NHSL3: variants seen among roughly 807,000 people sequenced by gnomAD.
NHSL3 encodes the protein NHS-like protein 3.
At chr1:32,770,081 G>A in the NHSL3 span, 18 of 1,559,150 alleles carry the variant, frequency 1.2e-5, no homozygotes, top group African/African-American at 2.7e-5. This position sits in a 1 kb window ranked among gnomAD's most constrained non-coding sequence, Gnocchi z 8.3. Context: ...CGTGTCTACC[G>A]GGATGACACC....
the NHSL3 span, among the ~76,000 whole-genome samples, chr1:32,761,291 C>T: frequency 7.2e-5 from 11 of 152,164 alleles, no homozygotes; most frequent in African/African-American, 2.7e-4. Context: ...GAGCCCCTCC[C>T]CAAGCGAGCC....
the NHSL3 span, among the ~76,000 whole-genome samples, chr1:32,760,826 C>T: frequency 2.1e-4 from 32 of 152,102 alleles, no homozygotes; most frequent in African/African-American, 6.5e-4. Context: ...CCTGACCTCG[C>T]GATCCACCCG....
the NHSL3 span, among the ~76,000 whole-genome samples, chr1:32,751,046 G>A: frequency 1.3e-5 from 2 of 148,454 alleles, no homozygotes; most frequent in Non-Finnish European, 3.0e-5. Flanking sequence ...CCCGACCTCA[G>A]GTGATCTGCC....
the NHSL3 span, chr1:32,773,583 G>A: frequency 1.3e-5 from 2 of 153,154 alleles, no homozygotes; most frequent in Non-Finnish European, 2.9e-5. Context: ...CTGCCTTCCA[G>A]TTCTGCCAGG....
chr1:32,767,948 C>A, the NHSL3 span: 1 of 1,613,614 alleles, frequency 6.2e-7, no homozygotes, highest in African/African-American at 1.3e-5. Context: ...CCGCTCCCTA[C>A]AACACCAAGG....
the NHSL3 span, among the ~76,000 whole-genome samples, chr1:32,756,340 C>T: frequency 2.0e-5 from 3 of 151,634 alleles, no homozygotes; most frequent in Non-Finnish European, 2.9e-5. Flanking sequence ...GGGGTATGGC[C>T]GTGAGTAAAG....
At chr1:32,752,962 T>TACACACACACACAC in the NHSL3 span, among the ~76,000 whole-genome samples, 1 of 32,968 alleles carries the variant, frequency 3.0e-5, no homozygotes, top group African/African-American at 8.8e-5. Flanking sequence ...TATATATATA[T>TACACACACACACAC]ATATATTTTG....
chr1:32,772,307 G>A, the NHSL3 span: 9 of 1,149,670 alleles, frequency 7.8e-6, no homozygotes, highest in Admixed American at 1.2e-4. Flanking sequence ...AGTTACCCTC[G>A]AGCTGAGCCC....
chr1:32,754,260 G>T, the NHSL3 span: 2 of 649,414 alleles, frequency 3.1e-6, no homozygotes, highest in African/African-American at 1.9e-5. Flanking sequence ...GCCCCCTCCC[G>T]GGGCTTGGAG....
the NHSL3 span, chr1:32,772,097 T>C: frequency 6.2e-7 from 1 of 1,613,222 alleles, no homozygotes; most frequent in Admixed American, 1.7e-5. Context: ...GCCAGTTTCA[T>C]CTTCTCCAAG....
At chr1:32,754,209 C>T in the NHSL3 span, 1 of 708,002 alleles carries the variant, frequency 1.4e-6, no homozygotes, top group Admixed American at 2.0e-5. Context: ...GCGGGGCAGG[C>T]AGGGAGGAGG....
At chr1:32,764,199 T>C in the NHSL3 span, among the ~76,000 whole-genome samples, 2 of 151,916 alleles carry the variant, frequency 1.3e-5, no homozygotes, top group Non-Finnish European at 1.5e-5. Context: ...ACAACCTAAC[T>C]AAACCACTCT....
At chr1:32,749,643 G>A in the NHSL3 span, among the ~76,000 whole-genome samples, 14 of 152,202 alleles carry the variant, frequency 9.2e-5, no homozygotes, top group East Asian at 1.4e-3. Flanking sequence ...ATGGAAAATC[G>A]CATCCCAGAG....
chr1:32,748,336 C>G, the NHSL3 span, among the ~76,000 whole-genome samples: 1 of 152,082 alleles, frequency 6.6e-6, no homozygotes, highest in African/African-American at 2.4e-5. Context: ...CCATTATGAA[C>G]AATGTCATTT....
chr1:32,754,090 A>G, the NHSL3 span: 2 of 672,000 alleles, frequency 3.0e-6, no homozygotes, highest in African/African-American at 3.8e-5. Flanking sequence ...CGCACCCGCA[A>G]TGGGGAACTC....
the NHSL3 span, among the ~76,000 whole-genome samples, chr1:32,743,259 A>G: frequency 6.6e-6 from 1 of 151,880 alleles, no homozygotes; most frequent in Non-Finnish European, 1.5e-5. Context: ...GCCTGTGTTT[A>G]CCCTCCCAGT....
At chr1:32,742,337 A>C in the NHSL3 span, 1 of 781,514 alleles carries the variant, frequency 1.3e-6, no homozygotes, top group Non-Finnish European at 1.7e-6. Flanking sequence ...GCTGAGTCCG[A>C]ACACTTCCAC....
the NHSL3 span, chr1:32,768,740 C>T: frequency 1.2e-5 from 19 of 1,614,066 alleles, no homozygotes; most frequent in Admixed American, 8.3e-5. Context: ...GCAGAGGACG[C>T]GCTCTCCATC....
the NHSL3 span, chr1:32,770,930 A>G: frequency 6.2e-7 from 1 of 1,610,986 alleles, no homozygotes; most frequent in Non-Finnish European, 8.5e-7. The surrounding 1 kb of genome is among the most constrained non-coding windows in gnomAD (Gnocchi z 8.3). Flanking sequence ...TCCAGTGGAT[A>G]CTCGAGCCAA....
Sources: allele counts gnomAD v4.1 joint callset (sites outside exome capture counted in the v4.1 genomes callset), GRCh38; gene constraint gnomAD v4.1.1; non-coding constraint Gnocchi (gnomAD v3.1); transcripts MANE v1.5; gene names NCBI Gene and HGNC (gene_info 2026-07-23, HGNC 2026-07-21).